Variants in INTS7 observed in about 807,000 individuals in gnomAD.
INTS7 encodes the protein chromosome 1 open reading frame 73.
INTS7 carries 46 observed loss-of-function variants against 109.2 expected under a neutral mutation model. The observed-to-expected ratio is 0.42, with a 90% confidence interval of 0.33 to 0.54. The LOEUF is 0.54. INTS7 is among the 20% of genes least tolerant of loss of function. INTS7 has a pLI of 0.07. For synonymous variants in INTS7, 412 were observed against 402.9 expected, an observed-to-expected ratio of 1.02 and a Z score of -0.27; for missense variants, 929 against 1,132.4, an observed-to-expected ratio of 0.82 and a Z score of 2.58.
At chr1:211,982,630 G>A in intron 9 of INTS7, 46 bp downstream of exon 9, 1 of 1,476,136 alleles carries the variant, frequency 6.8e-7, no homozygotes, top group Non-Finnish European at 9.1e-7. Context: ...TCTGTCCAAG[G>A]TCTAAACCAA....
At chr1:212,015,191 AC>A (rs1666366000) in intron 4 of INTS7, among the ~76,000 whole-genome samples, 1 of 151,920 alleles carries the variant, frequency 6.6e-6, no homozygotes, top group Non-Finnish European at 1.5e-5. Flanking sequence ...CCCAGCCGCC[AC>A]CCCGTCTGGG....
intron 7 of INTS7, among the ~76,000 whole-genome samples, chr1:212,001,348 G>GC (rs1462765094): frequency 6.6e-6 from 1 of 152,034 alleles, no homozygotes; most frequent in Non-Finnish European, 1.5e-5. Flanking sequence ...ACCACGCCCG[G>GC]CCCAGAATTC....
In INTS7 at chr1:212,020,144, C is replaced by T. The variant is rs1666628480; in HGVS notation, c.349G>A (p.Val117Met). ...IFSVIHSNDP[V>M]ARAITLRMLG... ...TACCGGAGGGTGATGGCTCTTGCCA[C>T]AGGATCATTACTATGAATCACAGAA... Residue 117 changes from valine to methionine, a missense_variant, in exon 3 of 20, where the codon GTG becomes ATG. Around this residue, in one of 2 missense-constraint regions of INTS7, gnomAD observed 142 missense variants for 231.4 expected, o/e 0.61. Transcript: ENST00000366994. 6.2e-7 allele frequency: 1 copy of T among 1,604,690 alleles called. No homozygotes were observed. Among genetic ancestry groups the T allele is most frequent in the African/African-American group, 1.3e-5 (1 of 74,556 alleles).
intron 2 of INTS7, 70 bp downstream of exon 2, chr1:212,021,013 A>G: frequency 1.4e-6 from 2 of 1,430,538 alleles, no homozygotes; most frequent in Admixed American, 2.3e-5. Flanking sequence ...GCAAAAAGAA[A>G]AAGACCACAA....
intron 7 of INTS7, 111 bp from the exon 8 acceptor site, chr1:211,988,114 T>C: frequency 1.8e-6 from 1 of 550,794 alleles, no homozygotes. Context: ...TTAAGGACTT[T>C]TTTTCATGTT....
chr1:212,005,069 T>C (rs1665843709), intron 7 of INTS7, among the ~76,000 whole-genome samples: 1 of 152,144 alleles, frequency 6.6e-6, no homozygotes, highest in Non-Finnish European at 1.5e-5. Flanking sequence ...GTGTGTGAAC[T>C]GGGAGACAAA....
intron 1 of INTS7, among the ~76,000 whole-genome samples, chr1:212,022,091 G>A (rs1666735785): frequency 6.6e-6 from 1 of 152,062 alleles, no homozygotes; most frequent in Non-Finnish European, 1.5e-5. Context: ...ACGTGATTCT[G>A]GAAAAACTAG....
At position 211,959,190 on chromosome 1, in the gene INTS7, C is replaced by T. The variant is rs1663500666; in HGVS notation, c.2184-6489G>A. Among the ~76,000 whole-genome samples the T allele has an allele frequency of 6.6e-6, 1 of 152,188 alleles. No homozygotes were observed. The highest frequency in any genetic ancestry group is 2.1e-4 in the South Asian group (1 of 4,836). ...CCCAAAGGGTTTGGTGTGTGAGCAT[C>T]TGTAGTGGAATACGGCCAGGGGCAG... On this transcript the variant is annotated intron_variant, in intron 16 of 19. Transcript: ENST00000366994. The surrounding 1 kb of genome is among the most constrained non-coding windows in gnomAD (Gnocchi z 4.2).
chr1:211,986,354 A>G (rs1256656804), intron 8 of INTS7, among the ~76,000 whole-genome samples: 1 of 152,212 alleles, frequency 6.6e-6, no homozygotes, highest in African/African-American at 2.4e-5. Context: ...TGACATAATT[A>G]GAGCAAATAA....
At chr1:212,017,120 T>C in intron 3 of INTS7, 97 bp from the exon 4 acceptor site, 1 of 913,274 alleles carries the variant, frequency 1.1e-6, no homozygotes, top group South Asian at 2.1e-5. Context: ...AAAACTAAAG[T>C]TTATAGGTAA....
At chr1:211,999,568 C>A (rs1306242641) in intron 7 of INTS7, among the ~76,000 whole-genome samples, 1 of 152,094 alleles carries the variant, frequency 6.6e-6, no homozygotes, top group African/African-American at 2.4e-5. Flanking sequence ...AACTGCAAAC[C>A]TAGAAAAGTT....
At chr1:211,953,377 TA>T (rs1304809394) in intron 16 of INTS7, among the ~76,000 whole-genome samples, 1 of 152,180 alleles carries the variant, frequency 6.6e-6, no homozygotes, top group East Asian at 1.9e-4. Flanking sequence ...ATTTCTATTT[TA>T]TTTTTTTAAC....
intron 1 of INTS7, among the ~76,000 whole-genome samples, chr1:212,033,543 T>A (rs556195964): frequency 6.6e-6 from 1 of 152,152 alleles, no homozygotes; most frequent in Admixed American, 6.5e-5. Context: ...AAGGAAAAAT[T>A]GTGGTTTTTT....
At chr1:211,996,296 G>C (rs150393225) in intron 7 of INTS7, among the ~76,000 whole-genome samples, 3,967 of 152,020 alleles carry the variant, frequency 0.026, 58 homozygotes, top group African/African-American at 0.046. Flanking sequence ...GTGGTGGGCA[G>C]CTGTAATCCC....
chr1:211,946,729 CA>C lies in INTS7; in HGVS notation c.2317-25del. 1 of 1,533,480 alleles carries C rather than the reference CA, an allele frequency of 6.5e-7. No individual in the cohort carries two copies. The highest frequency in any genetic ancestry group is 9.0e-7 in the Non-Finnish European group (1 of 1,116,468). The allele number at this position is 1,533,480 out of a possible 1,614,324, so 95.0% of individuals were successfully genotyped here. A position where few individuals can be genotyped will look rare whatever the true frequency, so the allele number is the denominator to read the frequency against. Reference sequence around the variant, plus strand: ...TGCTGGGGGAAAAAAGAAACTAAATCAAATAAAAATAAATTTTCAAATTTCA... The same window carrying C: ...TGCTGGGGGAAAAAAGAAACTAAATCAATAAAAATAAATTTTCAAATTTCA... On this transcript the variant is annotated intron_variant, in intron 17 of 19. Transcript: ENST00000366994. This position sits in a 1 kb window ranked among gnomAD's most constrained non-coding sequence, Gnocchi z 4.3.
rs768321816 is a variant in INTS7 at position 211,942,098 on chromosome 1, T to C, written c.2615A>G (p.Asn872Ser). 10 of 1,613,868 alleles carry C rather than the reference T, an allele frequency of 6.2e-6. No individual in the cohort carries two copies. Among genetic ancestry groups the C allele is most frequent in the Non-Finnish European group, 8.5e-6 (10 of 1,179,774 alleles). Residue 872 changes from asparagine to serine, a missense_variant, in exon 20 of 20, where the codon AAC becomes AGC. Physicochemically the swap from Asn to Ser is conservative, Grantham distance 46. This residue lies in a region of INTS7 where 787 missense variants were observed against 901.1 expected (regional missense o/e 0.87). Transcript: ENST00000366994. The surrounding 1 kb of genome is among the most constrained non-coding windows in gnomAD (Gnocchi z 4.2). ...SGQDYKIPID[N>S]MTNEMEQRVE... Reference sequence around the variant, plus strand: ...CCTTTGCTCCATCTCATTGGTCATGTTGTCAATGGGTATCTGCAATGAAAC... The same window carrying C: ...CCTTTGCTCCATCTCATTGGTCATGCTGTCAATGGGTATCTGCAATGAAAC...
intron 4 of INTS7, among the ~76,000 whole-genome samples, chr1:212,015,708 AC>A (rs1666401048): frequency 8.1e-6 from 1 of 124,180 alleles, no homozygotes. Context: ...ATCAATAAAT[AC>A]TAAAAAAAAA....
chr1:212,008,227 A>T (rs901243214), intron 5 of INTS7, among the ~76,000 whole-genome samples: 2 of 152,208 alleles, frequency 1.3e-5, no homozygotes, highest in African/African-American at 2.4e-5. Context: ...TGGGTTTGCC[A>T]GAGGGAAAAG....
chr1:211,961,595 A>G (rs965173777), intron 16 of INTS7, among the ~76,000 whole-genome samples: 1 of 151,764 alleles, frequency 6.6e-6, no homozygotes, highest in Non-Finnish European at 1.5e-5. Context: ...ATGCCCGGCT[A>G]ATTTTGTATT....
Sources: allele counts gnomAD v4.1 joint callset (sites outside exome capture counted in the v4.1 genomes callset), GRCh38; gene constraint gnomAD v4.1.1; regional missense constraint gnomAD v4.1.1; non-coding constraint Gnocchi (gnomAD v3.1); transcripts MANE v1.5; gene names NCBI Gene and HGNC (gene_info 2026-07-23, HGNC 2026-07-21).